USP6NL: variants seen among roughly 807,000 people sequenced by gnomAD.
USP6NL encodes USP6 N-terminal-like protein.
In USP6NL, 26 loss-of-function variants were observed where a neutral mutation model predicts 61.9. The ratio of observed to expected loss-of-function variants is 0.42; its 90% confidence interval spans 0.31 to 0.58. The LOEUF is 0.58. USP6NL is among the 20% of genes least tolerant of loss of function. The pLI, the probability that USP6NL is intolerant of heterozygous loss-of-function variation, is 0.16. For missense variants in USP6NL, 1,114 were observed against 1,034.3 expected, an observed-to-expected ratio of 1.08 and a Z score of -1.06; for synonymous variants, 432 against 390.1, an observed-to-expected ratio of 1.11 and a Z score of -1.27.
chr10:11,509,599 T>A lies in USP6NL; in HGVS notation c.272A>T (p.Glu91Val). The A allele has an allele frequency of 6.4e-7, 1 of 1,555,050 alleles. No homozygotes were observed. Among genetic ancestry groups the A allele is most frequent in the Non-Finnish European group, 8.7e-7 (1 of 1,148,538 alleles). ...LKGWEKYKNT[E>V]KFHRRIYKGI... ...AAAAACATGATTTTAAATTACCTTT[T>A]CAGTGTTCTTGTATTTTTCCCATCC... Residue 91 changes from glutamate to valine, a missense_variant, in exon 6 of 15, where the codon GAA becomes GTA. Physicochemically the swap from Glu to Val is moderately radical, Grantham distance 121. Transcript: ENST00000609104.
intron 2 of USP6NL, among the ~76,000 whole-genome samples, chr10:11,573,119 A>G (rs1444700406): frequency 5.3e-5 from 8 of 152,180 alleles, no homozygotes; most frequent in Admixed American, 5.2e-4. Flanking sequence ...AAAATCTACT[A>G]TTCATTGGCT....
chr10:11,609,874 C>T (rs1412194784), intron 1 of USP6NL, among the ~76,000 whole-genome samples: 1 of 152,180 alleles, frequency 6.6e-6, no homozygotes, highest in African/African-American at 2.4e-5. Flanking sequence ...CAAAGTCAGT[C>T]CCCAGTAGGA....
rs1269748215 is a variant in USP6NL at position 11,460,824 on chromosome 10, T to C, written c.*1617A>G. The C allele has an allele frequency of 6.6e-6, 1 of 152,424 alleles. No individual in the cohort carries two copies. The highest frequency in any genetic ancestry group is 1.9e-4 in the East Asian group (1 of 5,194). 9.4% of individuals were successfully genotyped at this position (152,424 alleles called of 1,614,324 possible). A position where few individuals can be genotyped will look rare whatever the true frequency, so the allele number is the denominator to read the frequency against. ...ATTTATATACATTTATTTCTCAGCT[T>C]CCACCTGACCTGCATCAACAGCCCA... is the stretch of plus-strand genomic sequence containing the variant. On this transcript the variant is annotated 3_prime_UTR_variant, in exon 15 of 15. Transcript: ENST00000609104.
intron 2 of USP6NL, among the ~76,000 whole-genome samples, chr10:11,555,776 C>T (rs1406696499): frequency 6.6e-6 from 1 of 152,164 alleles, no homozygotes; most frequent in Middle Eastern, 3.4e-3. Flanking sequence ...AAGAAAAAGA[C>T]AACCTTCAAA....
chr10:11,487,193 A>G lies in USP6NL; in HGVS notation c.665-1282T>C, dbSNP rs1349980954. On this transcript the variant is annotated intron_variant, in intron 10 of 14. Transcript: ENST00000609104. The surrounding 1 kb of genome is among the most constrained non-coding windows in gnomAD (Gnocchi z 4.2). The stretch of plus-strand genomic sequence containing the variant: ...TAGCTCAAGAATGCTAAGAAGCCTA[A>G]CAGTTCTTCATTTTCCACTGATGTT... Among the ~76,000 whole-genome samples the G allele has an allele frequency of 2.0e-5, 3 of 152,190 alleles. No individual in the cohort carries two copies. The highest frequency in any genetic ancestry group is 4.4e-5 in the Non-Finnish European group (3 of 68,026).
Position 11,462,962 on chromosome 10 carries a change from G to C in USP6NL, c.1966C>G (p.Pro656Ala), listed in dbSNP as rs762163608. ...FPTANSSFAS[P>A]QFSPGTQLNP... ...AGTTGAGTCCCAGGGCTAAACTGTG[G>C]AGAAGCAAAGCTGCTGTTGGCAGTA... Residue 656 changes from proline to alanine, a missense_variant, in exon 15 of 15, where the codon CCA (proline) becomes GCA (alanine). Coordinates refer to ENST00000609104, the MANE Select transcript of USP6NL (RefSeq NM_014688.5). The C allele has an allele frequency of 6.2e-7, 1 of 1,613,846 alleles. No homozygotes were observed. Among genetic ancestry groups the C allele is most frequent in the Admixed American group, 1.7e-5 (1 of 59,990 alleles).
rs1229838357 is a variant in USP6NL, at chr10:11,525,584, T to A, written c.73-116A>T. 3.3e-6 allele frequency: 3 copies of A among 909,764 alleles called. No individual in the cohort carries two copies. The highest frequency in any genetic ancestry group is 7.2e-5 in the Admixed American group (2 of 27,640). 56.4% of individuals were successfully genotyped at this position (909,764 alleles called of 1,614,324 possible). ...TTAATGTATTACTAAAAATAAGAGC[T>A]GGAAGTGAGGCATTATGAGCCTTAA... On this transcript the variant is annotated intron_variant, in intron 3 of 14. Coordinates refer to ENST00000609104, the MANE Select transcript of USP6NL (RefSeq NM_014688.5). The surrounding 1 kb of genome is among the most constrained non-coding windows in gnomAD (Gnocchi z 5.0).
Position 11,463,383 on chromosome 10 carries a change from G to A in USP6NL, c.1545C>T (p.Leu515=), listed in dbSNP as rs1049263419. ...CGGCAGGACCTGGGACGGTAACTGCGAGCGCGGGGTGCGCTGCTCGACCTT... is the reference window on the plus strand; with the variant it reads ...CGGCAGGACCTGGGACGGTAACTGCAAGCGCGGGGTGCGCTGCTCGACCTT... The part of the protein sequence containing the change: ...EGKGRAAHPA[L]AVTVPGPAEV... The change falls in exon 15 of 15, where the codon CTC becomes CTT. Residue 515 remains leucine (L), a synonymous_variant. Transcript: ENST00000609104. The surrounding 1 kb of genome is among the most constrained non-coding windows in gnomAD (Gnocchi z 6.3). 5.0e-6 allele frequency: 8 copies of A among 1,613,914 alleles called. No homozygotes were observed. The highest frequency in any genetic ancestry group is 6.8e-6 in the Non-Finnish European group (8 of 1,179,906).
Position 11,481,999 on chromosome 10 carries a change from T to G in USP6NL, c.926-77A>C. The G allele has an allele frequency of 7.0e-7, 1 of 1,433,348 alleles. No individual in the cohort carries two copies. Among genetic ancestry groups the G allele is most frequent in the Non-Finnish European group, 9.2e-7 (1 of 1,081,138 alleles). The allele number at this position is 1,433,348 out of a possible 1,614,324, so 88.8% of individuals were successfully genotyped here. On this transcript the variant is annotated intron_variant, in intron 13 of 14. Transcript: ENST00000609104. The surrounding 1 kb of genome is among the most constrained non-coding windows in gnomAD (Gnocchi z 4.4). ...AGGAAGATATTCTATTATATTCAGG[T>G]GTAGTGTAAAAGGGCATTAAAAAGG... is the stretch of plus-strand genomic sequence containing the variant.
intron 14 of USP6NL, among the ~76,000 whole-genome samples, chr10:11,464,147 G>T (rs554033249): frequency 6.6e-6 from 1 of 152,322 alleles, no homozygotes; most frequent in South Asian, 2.1e-4. Context: ...TCTGAGCATG[G>T]GCCTTGAGTC....
intron 2 of USP6NL, among the ~76,000 whole-genome samples, chr10:11,552,415 A>T (rs1404126438): frequency 5.3e-5 from 8 of 152,214 alleles, no homozygotes; most frequent in Admixed American, 5.2e-4. Context: ...CAGGAAATAA[A>T]GCTGCTTTAA....
intron 14 of USP6NL, among the ~76,000 whole-genome samples, chr10:11,467,323 G>T (rs1832513981): frequency 6.6e-6 from 1 of 152,178 alleles, no homozygotes; most frequent in African/African-American, 2.4e-5. Flanking sequence ...TCAGAAAAAT[G>T]CAAATTAAAA....
chr10:11,562,405 T>C lies in USP6NL; in HGVS notation c.5-34838A>G. 2 of 985,446 alleles carry C rather than the reference T, an allele frequency of 2.0e-6. No individual in the cohort carries two copies. The highest frequency in any genetic ancestry group is 2.4e-6 in the Non-Finnish European group (2 of 829,938). The allele number at this position is 985,446 out of a possible 1,614,324, so 61.0% of individuals were successfully genotyped here. A position where few individuals can be genotyped will look rare whatever the true frequency, so the allele number is the denominator to read the frequency against. On this transcript the variant is annotated intron_variant, in intron 2 of 14. Transcript: ENST00000609104. The surrounding 1 kb of genome is among the most constrained non-coding windows in gnomAD (Gnocchi z 4.8). ...CAACTTCAGATTTCCCCTTTTCCTT[T>C]TTCTTCTTGCTTGGCTCTTGGACCT...
rs118024668 is a variant in USP6NL, at chr10:11,473,261, C to T, written c.1078+8509G>A. On this transcript the variant is annotated intron_variant, in intron 14 of 14. Coordinates refer to ENST00000609104, the MANE Select transcript of USP6NL (RefSeq NM_014688.5). ...GTAACAAATACAGCCACAGCCACAG[C>T]CCCGCAGTGTATTAGGTGCTGGTGA... Among the ~76,000 whole-genome samples, 530 of 152,294 alleles carry T rather than the reference C, an allele frequency of 3.5e-3. 4 individuals are homozygous for T. Among genetic ancestry groups the T allele is most frequent in the Middle Eastern group, 6.8e-3 (2 of 294 alleles).
At chr10:11,480,480 G>T (rs1272784532) in intron 14 of USP6NL, among the ~76,000 whole-genome samples, 1 of 152,192 alleles carries the variant, frequency 6.6e-6, no homozygotes, top group African/African-American at 2.4e-5. Context: ...ATAAATGATA[G>T]TAGAAAACAG....
intron 2 of USP6NL, among the ~76,000 whole-genome samples, chr10:11,530,855 G>C (rs1835628600): frequency 2.6e-5 from 4 of 152,170 alleles, no homozygotes; most frequent in Admixed American, 2.6e-4. Context: ...CATACTATCT[G>C]GTCTGAAGTT....
At chr10:11,554,360 T>A (rs1430525745) in intron 2 of USP6NL, among the ~76,000 whole-genome samples, 1 of 152,162 alleles carries the variant, frequency 6.6e-6, no homozygotes, top group African/African-American at 2.4e-5. Flanking sequence ...CCTCAAAGCA[T>A]CTGCCCATTC....
rs113887673 is a variant in USP6NL, at chr10:11,478,697, G to C, written c.1078+3073C>G. On this transcript the variant is annotated intron_variant, in intron 14 of 14. Transcript: ENST00000609104. The surrounding 1 kb of genome is among the most constrained non-coding windows in gnomAD (Gnocchi z 6.8). ...AGGTGGGCAGATTGCTTGAGTCCAG[G>C]AGTCTGAGACCAGCCTGGGCAACAT... Among the ~76,000 whole-genome samples the C allele has an allele frequency of 0.022, 3,305 of 152,214 alleles. 84 individuals are homozygous for C. The highest frequency in any genetic ancestry group is 0.059 in the African/African-American group (2,456 of 41,524).
At position 11,585,844 on chromosome 10, in the gene USP6NL, T is replaced by C. The variant is rs1837942849; in HGVS notation, c.4+11787A>G. Among the ~76,000 whole-genome samples, 1 of 152,198 alleles carries C rather than the reference T, an allele frequency of 6.6e-6. No individual in the cohort carries two copies. Among genetic ancestry groups the C allele is most frequent in the African/African-American group, 2.4e-5 (1 of 41,450 alleles). On this transcript the variant is annotated intron_variant, in intron 2 of 14. Transcript: ENST00000609104. The surrounding 1 kb of genome is among the most constrained non-coding windows in gnomAD (Gnocchi z 4.5). ...CAATATGGATGGACCTTAAATACAT[T>C]GTGCTGAGTTAAACCAGTTACAAAA...
Sources: allele counts gnomAD v4.1 joint callset (sites outside exome capture counted in the v4.1 genomes callset), GRCh38; gene constraint gnomAD v4.1.1; non-coding constraint Gnocchi (gnomAD v3.1); transcripts MANE v1.5; gene names NCBI Gene and HGNC (gene_info 2026-07-23, HGNC 2026-07-21).